The following DGKD variants were observed in gnomAD, a reference collection of about 807,000 sequenced individuals.
The protein encoded by DGKD is diacylglycerol kinase delta.
Under a neutral mutation model 154.4 loss-of-function variants are expected in DGKD, and 68 were observed. That is an observed-to-expected ratio of 0.44 (90% CI 0.36 to 0.54). DGKD has a LOEUF of 0.54. Among genes scored for constraint, DGKD ranks in the 20% least tolerant of loss-of-function variants. DGKD has a pLI of 0.00. For missense variants in DGKD, 1,343 were observed against 1,593.6 expected, an observed-to-expected ratio of 0.84 and a Z score of 2.68; for synonymous variants, 693 against 638.0, an observed-to-expected ratio of 1.09 and a Z score of -1.30.
At position 233,452,128 on chromosome 2, in the gene DGKD, C is replaced by T; in HGVS notation, c.2264+68C>T. ...CTGCTAGTGCATAGAAAACAGATCT[C>T]AGGATTAACTAGAGAAATTAGTGAG... On this transcript the variant is annotated intron_variant, in intron 18 of 29. Transcript: ENST00000264057. The surrounding 1 kb of genome is among the most constrained non-coding windows in gnomAD (Gnocchi z 4.0). 7.0e-7 allele frequency: 1 copy of T among 1,422,284 alleles called. No homozygotes were observed. The highest frequency in any genetic ancestry group is 9.9e-7 in the Non-Finnish European group (1 of 1,007,860). 88.1% of individuals were successfully genotyped at this position (1,422,284 alleles called of 1,614,324 possible).
At chr2:233,408,631 C>T (rs752783115) in intron 3 of DGKD, among the ~76,000 whole-genome samples, 4 of 152,242 alleles carry the variant, frequency 2.6e-5, no homozygotes, top group Non-Finnish European at 4.4e-5. Context: ...TTCTTGGCCA[C>T]CTGTAGCTTC....
chr2:233,356,291 G>A (rs1271077322), intron 1 of DGKD, among the ~76,000 whole-genome samples: 2 of 152,186 alleles, frequency 1.3e-5, no homozygotes, highest in Non-Finnish European at 2.9e-5. Context: ...AGTTGGAAGG[G>A]TTGGTTAGGG....
At chr2:233,393,681 T>C (rs1255775436) in intron 3 of DGKD, among the ~76,000 whole-genome samples, 1 of 146,928 alleles carries the variant, frequency 6.8e-6, no homozygotes, top group Non-Finnish European at 1.5e-5. Flanking sequence ...TTATGTGTAT[T>C]GGTTTTTTTT....
At chr2:233,381,197 G>A (rs1702888263) in intron 1 of DGKD, among the ~76,000 whole-genome samples, 2 of 152,216 alleles carry the variant, frequency 1.3e-5, no homozygotes, top group Admixed American at 1.3e-4. Flanking sequence ...AGACGCTGAT[G>A]TGGCACACAC....
intron 1 of DGKD, among the ~76,000 whole-genome samples, chr2:233,365,180 A>G (rs1701962056): frequency 6.6e-6 from 1 of 152,234 alleles, no homozygotes; most frequent in African/African-American, 2.4e-5. Flanking sequence ...GTATACATCA[A>G]GTAGACAAAG....
chr2:233,354,566 TCCGCCG>T lies in DGKD; in HGVS notation c.57_62del (p.Pro20_Pro21del), dbSNP rs759588538. ...CTCCGCCGGGTCCCCCGCAACCGCC[TCCGCCG>T]CCGCCGCCCGAGGAGTCGTCCGACA... On this transcript the variant is annotated inframe_deletion, in exon 1 of 30. Transcript: ENST00000264057. The surrounding 1 kb of genome is among the most constrained non-coding windows in gnomAD (Gnocchi z 4.8). 6 of 1,062,812 alleles carry T rather than the reference TCCGCCG, an allele frequency of 5.6e-6. No homozygotes were observed. The highest frequency in any genetic ancestry group is 6.9e-6 in the Non-Finnish European group (6 of 872,152). 65.8% of individuals were successfully genotyped at this position (1,062,812 alleles called of 1,614,324 possible). A position where few individuals can be genotyped will look rare whatever the true frequency, so the allele number is the denominator to read the frequency against.
Position 233,441,498 on chromosome 2 carries a change from C to T in DGKD, c.1086-389C>T, listed in dbSNP as rs1333113098. ...TGGCAGGGGCCACATGTGGATGGGG[C>T]AGGGACAGTGACGCAGGGTGGGCTC... On this transcript the variant is annotated intron_variant, in intron 9 of 29. Transcript: ENST00000264057. This position sits in a 1 kb window ranked among gnomAD's most constrained non-coding sequence, Gnocchi z 5.6. Among the ~76,000 whole-genome samples, 1 of 152,198 alleles carries T rather than the reference C, an allele frequency of 6.6e-6. No individual in the cohort carries two copies. Among genetic ancestry groups the T allele is most frequent in the East Asian group, 1.9e-4 (1 of 5,192 alleles).
rs149832119 is a variant in DGKD at position 233,467,890 on chromosome 2, ATG to A, written c.3425-530_3425-529del. On this transcript the variant is annotated intron_variant, in intron 28 of 29. Transcript: ENST00000264057. ...TCTGTTAATAATGGTGGCTCTGACT[ATG>A]TGAATTGAAATCTCTGCTCGTTTCC... 2.3e-3 allele frequency among the ~76,000 whole-genome samples: 350 copies of A among 152,288 alleles called. 10 individuals carry two copies. The East Asian group carries it at 0.052, about 22-fold the overall frequency.
At chr2:233,385,877 T>G (rs1173979647) in intron 1 of DGKD, 2 of 451,130 alleles carry the variant, frequency 4.4e-6, no homozygotes, top group East Asian at 1.4e-4. Flanking sequence ...CCCAGCCTTT[T>G]CCGCTGAAAC....
intron 2 of DGKD, chr2:233,389,041 C>G (rs1349925875): frequency 6.6e-6 from 1 of 152,436 alleles, no homozygotes; most frequent in East Asian, 1.9e-4. Context: ...GCCACCGTGC[C>G]CGGCCTAGAG....
intron 3 of DGKD, among the ~76,000 whole-genome samples, chr2:233,421,208 A>C (rs1166484029): frequency 6.6e-6 from 1 of 152,066 alleles, no homozygotes; most frequent in Non-Finnish European, 1.5e-5. Context: ...CCGCCACCCC[A>C]GCTGTAAAGC....
intron 3 of DGKD, among the ~76,000 whole-genome samples, chr2:233,425,471 G>A (rs993393464): frequency 6.6e-6 from 1 of 152,194 alleles, no homozygotes; most frequent in Non-Finnish European, 1.5e-5. Flanking sequence ...ACAGGTGTGA[G>A]CCACTGTGCC....
At chr2:233,361,249 A>T (rs982985982) in intron 1 of DGKD, among the ~76,000 whole-genome samples, 2 of 152,216 alleles carry the variant, frequency 1.3e-5, no homozygotes, top group African/African-American at 4.8e-5. Flanking sequence ...AGGAGCCAGA[A>T]GTATTGGAAG....
chr2:233,367,990 C>T (rs1208610097), intron 1 of DGKD, among the ~76,000 whole-genome samples: 5 of 151,726 alleles, frequency 3.3e-5, no homozygotes, highest in Non-Finnish European at 7.4e-5. Flanking sequence ...CCTTGCCTGA[C>T]CAGATCTTTT....
chr2:233,370,566 T>A (rs59357220), intron 1 of DGKD, among the ~76,000 whole-genome samples: 2,243 of 121,066 alleles, frequency 0.019, 60 homozygotes, highest in African/African-American at 0.069. Context: ...TTTCAGAACT[T>A]CTTCTTTTTT....
intron 18 of DGKD, chr2:233,454,517 G>C (rs1329723223): frequency 8.0e-6 from 4 of 502,566 alleles, no homozygotes; most frequent in African/African-American, 7.9e-5. Flanking sequence ...TTCTCTTTAG[G>C]GGGATGAAAT....
rs1178156155 is a variant in DGKD at position 233,434,777 on chromosome 2, G to C, written c.462G>C (p.Gln154His). The C allele has an allele frequency of 1.9e-6, 3 of 1,613,632 alleles. No individual in the cohort carries two copies. In the East Asian group the frequency reaches 6.7e-5, roughly 36 times the overall value. The stretch of plus-strand genomic sequence containing the variant: ...TGGTTTCGTTCTTCCAGCCCACCCA[G>C]TACAGCATGGACCACTTCTCAGGGA... ...VQNREHFEPT[Q>H]YSMDHFSGMH... The change falls in exon 5 of 30, where the codon CAG (glutamine) becomes CAC (histidine). Residue 154 changes from glutamine (Q) to histidine (H), a missense_variant. Gln to His is a conservative substitution (Grantham distance 24). Around this residue, in one of 6 missense-constraint regions of DGKD, gnomAD observed 332 missense variants for 400.1 expected, o/e 0.83. Coordinates refer to ENST00000264057, the MANE Select transcript of DGKD (RefSeq NM_152879.3).
chr2:233,410,899 A>G (rs551413566), intron 3 of DGKD, among the ~76,000 whole-genome samples: 1 of 152,198 alleles, frequency 6.6e-6, no homozygotes, highest in South Asian at 2.1e-4. Context: ...ACAGGCAAAC[A>G]TGGATGGATT....
chr2:233,381,963 G>T (rs59125245), intron 1 of DGKD, among the ~76,000 whole-genome samples: 1,932 of 152,328 alleles, frequency 0.013, 32 homozygotes, highest in African/African-American at 0.044. Flanking sequence ...GCCAGGTGCG[G>T]TGGCTCACGC....
Sources: gnomAD v4.1 joint callset for allele counts (sites outside exome capture counted in the v4.1 genomes callset) on GRCh38, gnomAD v4.1.1 for gene constraint, gnomAD v4.1.1 regional missense constraint, Gnocchi (gnomAD v3.1) non-coding constraint, MANE v1.5 for transcripts, NCBI Gene and HGNC (gene_info 2026-07-23, HGNC 2026-07-21) for gene names.